Variants in MBOAT1 observed in about 807,000 individuals in gnomAD.
MBOAT1 encodes membrane-bound glycerophospholipid O-acyltransferase 1.
A neutral mutation model predicts 64.4 loss-of-function variants in MBOAT1; 67 were observed. That is an observed-to-expected ratio of 1.04 (90% confidence interval 0.85 to 1.27). The LOEUF is 1.27. Ranked by LOEUF, MBOAT1 falls within the 50% of genes most tolerant of loss-of-function variation. MBOAT1 has a pLI of 0.00. For synonymous variants in MBOAT1, 229 were observed against 218.9 expected, an observed-to-expected ratio of 1.05 and a Z score of -0.41; for missense variants, 563 against 604.6, an observed-to-expected ratio of 0.93 and a Z score of 0.72.
Position 20,112,926 on chromosome 6 carries a change from A to G in MBOAT1, c.1159T>C (p.Tyr387His), listed in dbSNP as rs768299936. Residue 387 changes from tyrosine (Y) to histidine (H), a missense_variant, in exon 11 of 13, where the codon TAC (tyrosine) becomes CAC (histidine). Tyr to His is a moderately conservative substitution (Grantham distance 83). Coordinates refer to ENST00000324607, the MANE Select transcript of MBOAT1 (RefSeq NM_001080480.3). ...ATTCCAGTTAAGAAGGTAAAATAGT[A>G]TCCAGGGTAGACACCATGCCACAAA... Reference protein sequence around the residue: ...SALWHGVYPGYYFTFLTGILV... With the variant: ...SALWHGVYPGHYFTFLTGILV... 6 of 1,614,190 alleles carry G rather than the reference A, an allele frequency of 3.7e-6. No individual in the cohort carries two copies. In the South Asian group the frequency reaches 6.6e-5, roughly 18 times the overall value.
intron 1 of MBOAT1, among the ~76,000 whole-genome samples, chr6:20,190,000 T>C (rs1762760583): frequency 6.6e-6 from 1 of 152,118 alleles, no homozygotes; most frequent in Admixed American, 6.6e-5. Flanking sequence ...TAATTTTTTC[T>C]TTTTTACCTT....
At chr6:20,181,986 A>G (rs1226031966) in intron 1 of MBOAT1, among the ~76,000 whole-genome samples, 1 of 152,216 alleles carries the variant, frequency 6.6e-6, no homozygotes, top group Non-Finnish European at 1.5e-5. Context: ...CTGCTCATCT[A>G]CAAAGATCAC....
At chr6:20,127,747 A>G (rs141089799) in intron 6 of MBOAT1, among the ~76,000 whole-genome samples, 1,730 of 152,214 alleles carry the variant, frequency 0.011, 34 homozygotes, top group African/African-American at 0.039. Context: ...TGAGTTGTAT[A>G]ATTATTTCAT....
intron 1 of MBOAT1, among the ~76,000 whole-genome samples, chr6:20,187,549 T>C (rs1762688522): frequency 6.6e-6 from 1 of 152,204 alleles, no homozygotes; most frequent in South Asian, 2.1e-4. Flanking sequence ...TTTACAAATT[T>C]AAAATCATCT....
At chr6:20,106,154 T>C (rs1299170655) in intron 12 of MBOAT1, among the ~76,000 whole-genome samples, 1 of 152,254 alleles carries the variant, frequency 6.6e-6, no homozygotes, top group Non-Finnish European at 1.5e-5. Flanking sequence ...CAACCAGGCC[T>C]GCCTTCACTA....
At chr6:20,168,768 G>A (rs1940500899) in intron 1 of MBOAT1, among the ~76,000 whole-genome samples, 2 of 94,026 alleles carry the variant, frequency 2.1e-5, no homozygotes, top group African/African-American at 8.4e-5. Context: ...GGAGGGAGGG[G>A]AGAGGAGGGG....
At chr6:20,142,803 G>T (rs925912507) in intron 4 of MBOAT1, among the ~76,000 whole-genome samples, 2 of 152,194 alleles carry the variant, frequency 1.3e-5, no homozygotes, top group African/African-American at 4.8e-5. Flanking sequence ...GATTGAGAAA[G>T]CACGCTCCAC....
Position 20,212,327 on chromosome 6 carries a change from G to A in MBOAT1, c.-93C>T. On this transcript the variant is annotated 5_prime_UTR_variant, in exon 1 of 13. Coordinates refer to ENST00000324607, the MANE Select transcript of MBOAT1 (RefSeq NM_001080480.3). ...CCGGGTGCTCTTGGGTGGTTGCCCC[G>A]AGAGGCGCACGGCCGCCTGGTTCGC... 2 of 1,197,700 alleles carry A rather than the reference G, an allele frequency of 1.7e-6. No homozygotes were observed. Among genetic ancestry groups the A allele is most frequent in the Non-Finnish European group, 2.4e-6 (2 of 846,058 alleles). 74.2% of individuals were successfully genotyped at this position (1,197,700 alleles called of 1,614,324 possible).
At chr6:20,161,426 T>TC (rs1467781371) in intron 1 of MBOAT1, among the ~76,000 whole-genome samples, 1 of 151,964 alleles carries the variant, frequency 6.6e-6, no homozygotes, top group East Asian at 1.9e-4. Context: ...TCTGAAATCA[T>TC]CCCCATCCCC....
chr6:20,186,694 A>G (rs771788558), intron 1 of MBOAT1, among the ~76,000 whole-genome samples: 2 of 152,242 alleles, frequency 1.3e-5, no homozygotes, highest in Non-Finnish European at 2.9e-5. Context: ...GTGGCAATGC[A>G]AAGAGCTAAA....
chr6:20,109,773 T>TA, intron 11 of MBOAT1, 24 bp from the exon 12 acceptor site: 1 of 1,603,134 alleles, frequency 6.2e-7, no homozygotes, highest in Non-Finnish European at 8.5e-7. Context: ...CAGGCAACAG[T>TA]AGTGAGGAGG....
chr6:20,127,926 TG>T (rs938847063), intron 6 of MBOAT1, among the ~76,000 whole-genome samples: 4 of 152,034 alleles, frequency 2.6e-5, no homozygotes, highest in African/African-American at 9.7e-5. Context: ...ACACCTCCAT[TG>T]TGCTTAGGAA....
chr6:20,122,466 T>A (rs1335306931), intron 8 of MBOAT1, among the ~76,000 whole-genome samples: 1 of 152,190 alleles, frequency 6.6e-6, no homozygotes, highest in Non-Finnish European at 1.5e-5. Flanking sequence ...TGATTCCTCC[T>A]AGCACAGAAT....
chr6:20,175,453 A>T lies in MBOAT1; in HGVS notation c.100-22684T>A, dbSNP rs545060255. Among the ~76,000 whole-genome samples the T allele has an allele frequency of 2.5e-4, 37 of 150,780 alleles. No individual in the cohort carries two copies. In the South Asian group the frequency reaches 4.2e-3, roughly 17 times the overall value. ...CTTTAATTGTTTTATTTATTTATTT[A>T]TTTATTTTTTTGAAATGGAGTCTCA... On this transcript the variant is annotated intron_variant, in intron 1 of 12. Coordinates refer to ENST00000324607, the MANE Select transcript of MBOAT1 (RefSeq NM_001080480.3).
At chr6:20,196,498 G>C (rs1214781521) in intron 1 of MBOAT1, among the ~76,000 whole-genome samples, 3 of 152,078 alleles carry the variant, frequency 2.0e-5, no homozygotes, top group Non-Finnish European at 4.4e-5. Context: ...ATGATCCAAG[G>C]TTCTTTAGAT....
intron 1 of MBOAT1, among the ~76,000 whole-genome samples, chr6:20,196,703 A>G (rs4712462): frequency 0.65 from 99,135 of 151,740 alleles, 32,607 homozygotes; most frequent in Admixed American, 0.74. Flanking sequence ...TCAACTAAAA[A>G]CACAAAAATT....
In MBOAT1 at chr6:20,126,582, T is replaced by C. The variant is rs767899963; in HGVS notation, c.649A>G (p.Met217Val). Residue 217 changes from methionine to valine, a missense_variant, in exon 7 of 13, where the codon ATG (methionine) becomes GTG (valine). By Grantham distance (21) the Met-to-Val change is conservative (BLOSUM62 1). Transcript: ENST00000324607. ...IAFIEGKHIHMKLLEVNWKRK... is the reference protein window; with the variant it reads ...IAFIEGKHIHVKLLEVNWKRK... ...TTCCAGTTCACCTCCAGCAACTTCA[T>C]GTGTATATGCTTCCCCTCAATGAAG... The C allele has an allele frequency of 1.2e-6, 2 of 1,613,858 alleles. No homozygotes were observed. Among genetic ancestry groups the C allele is most frequent in the Admixed American group, 1.7e-5 (1 of 59,954 alleles).
intron 4 of MBOAT1, among the ~76,000 whole-genome samples, chr6:20,137,115 T>A (rs1761018133): frequency 1.3e-5 from 2 of 152,196 alleles, no homozygotes; most frequent in South Asian, 4.1e-4. Context: ...TAGGAATTTA[T>A]CCTATCATAG....
At chr6:20,110,910 T>C (rs1050733708) in intron 11 of MBOAT1, among the ~76,000 whole-genome samples, 1 of 152,196 alleles carries the variant, frequency 6.6e-6, no homozygotes, top group Non-Finnish European at 1.5e-5. Context: ...TCCTATTTAC[T>C]TCCTTCAGGT....
Sources: allele counts gnomAD v4.1 joint callset (sites outside exome capture counted in the v4.1 genomes callset), GRCh38; gene constraint gnomAD v4.1.1; transcripts MANE v1.5; gene names NCBI Gene and HGNC (gene_info 2026-07-23, HGNC 2026-07-21).